The following SYTL5 variants were observed in gnomAD, a reference collection of about 807,000 sequenced individuals.
The protein encoded by SYTL5 is synaptotagmin-like protein 5.
A neutral mutation model predicts 55.9 loss-of-function variants in SYTL5; 34 were observed. The observed-to-expected ratio is 0.61, with a 90% CI of 0.46 to 0.81. The LOEUF (loss-of-function observed/expected upper bound fraction) is 0.81, where lower values mean the gene tolerates loss of function less well. Among genes scored for constraint, SYTL5 ranks in the 30% least tolerant of loss-of-function variants. The pLI, the probability that SYTL5 is intolerant of heterozygous loss-of-function variation, is 0.00. For missense variants in SYTL5, 637 were observed against 546.7 expected, an observed-to-expected ratio of 1.17 and a Z score of -1.65; for synonymous variants, 221 against 188.7, an observed-to-expected ratio of 1.17 and a Z score of -1.40.
rs1937684072 is a variant in SYTL5, at chrX:38,127,421, AAG to A, written c.*696_*697del. The A allele has an allele frequency of 8.9e-6, 1 of 112,272 alleles. No homozygotes were observed. Among genetic ancestry groups the A allele is most frequent in the Admixed American group, 9.4e-5 (1 of 10,613 alleles). The allele number at this position is 112,272 out of a possible 1,213,427, so 9.3% of individuals were successfully genotyped here. ...TGTAGGGTCACCCTACTGATGACCT[AAG>A]AGAGCTCTGTTTTAAACATTTATTT... On this transcript the variant is annotated 3_prime_UTR_variant, in exon 17 of 17. Transcript: ENST00000297875.
chrX:38,105,508 T>C (rs986032717), intron 10 of SYTL5, among the ~76,000 whole-genome samples: 11 of 112,239 alleles, frequency 9.8e-5, no homozygotes, highest in Non-Finnish European at 2.1e-4. Flanking sequence ...TTGCATTCTT[T>C]TGAGTTTCTG....
intron 1 of SYTL5, among the ~76,000 whole-genome samples, chrX:38,008,894 A>C (rs1934081484): frequency 8.9e-6 from 1 of 112,186 alleles, no homozygotes; most frequent in Admixed American, 9.4e-5. Flanking sequence ...CACTGAAGTT[A>C]CAGTAGGGAA....
the SYTL5 span, among the ~76,000 whole-genome samples, chrX:37,942,484 C>A: frequency 5.4e-5 from 6 of 111,476 alleles, no homozygotes; most frequent in East Asian, 1.7e-3. Flanking sequence ...TGGCACTTAT[C>A]CTTGCCCTCC....
intron 12 of SYTL5, 97 bp downstream of exon 12, chrX:38,108,796 G>T (rs1433935212): frequency 4.0e-6 from 2 of 505,446 alleles, no homozygotes; most frequent in African/African-American, 4.8e-5. Context: ...GTGTGTCAAG[G>T]CTTGTATATG....
the SYTL5 span, among the ~76,000 whole-genome samples, chrX:37,924,711 T>C: frequency 9.0e-6 from 1 of 111,445 alleles, no homozygotes; most frequent in South Asian, 3.8e-4. Context: ...ATTGTTTCTA[T>C]TAATTTTTGT....
chrX:37,951,358 A>G, the SYTL5 span, among the ~76,000 whole-genome samples: 4 of 111,725 alleles, frequency 3.6e-5, no homozygotes, highest in African/African-American at 1.3e-4. Context: ...TATCAAAAGC[A>G]TTTTAATAAA....
intron 2 of SYTL5, among the ~76,000 whole-genome samples, chrX:38,041,114 T>A (rs1438626598): frequency 9.0e-6 from 1 of 111,636 alleles, no homozygotes. Context: ...TTAATGTGAC[T>A]GATTTTGTCA....
chrX:37,925,654 T>TA, the SYTL5 span, among the ~76,000 whole-genome samples: 13 of 111,296 alleles, frequency 1.2e-4, no homozygotes, highest in African/African-American at 4.2e-4. Context: ...GGTATTTGGT[T>TA]ACATGAGTAG....
At chrX:37,977,314 C>T in the SYTL5 span, among the ~76,000 whole-genome samples, 1 of 109,325 alleles carries the variant, frequency 9.1e-6, no homozygotes, top group Non-Finnish European at 1.9e-5. Flanking sequence ...CTACTCAGTA[C>T]TAGGGATGGA....
At chrX:37,948,171 C>A in the SYTL5 span, among the ~76,000 whole-genome samples, 6 of 110,503 alleles carry the variant, frequency 5.4e-5, no homozygotes, top group Non-Finnish European at 9.5e-5. Flanking sequence ...TAATTCCTCC[C>A]AAGTTTATCC....
chrX:37,983,176 A>T, the SYTL5 span, among the ~76,000 whole-genome samples: 4 of 111,948 alleles, frequency 3.6e-5, no homozygotes, highest in Non-Finnish European at 7.6e-5. Context: ...GCAGAGGTAA[A>T]TCTAACTATA....
chrX:38,078,462 G>A (rs954055383), intron 6 of SYTL5, among the ~76,000 whole-genome samples: 49 of 109,905 alleles, frequency 4.5e-4, no homozygotes, highest in African/African-American at 1.5e-3. Context: ...GAGTTTCACC[G>A]TGTTAGCCAG....
At chrX:38,088,277 T>C (rs1413985103) in intron 6 of SYTL5, among the ~76,000 whole-genome samples, 1 of 112,064 alleles carries the variant, frequency 8.9e-6, no homozygotes, top group East Asian at 2.8e-4. Context: ...AATATTCCTT[T>C]ATTCTATTTA....
chrX:37,967,945 C>G, the SYTL5 span, among the ~76,000 whole-genome samples: 1 of 107,797 alleles, frequency 9.3e-6, no homozygotes, highest in South Asian at 4.1e-4. Context: ...AATTGAACCT[C>G]TCTAGTGAAT....
chrX:38,043,832 CA>C (rs1935379427), intron 2 of SYTL5, among the ~76,000 whole-genome samples: 1 of 107,070 alleles, frequency 9.3e-6, no homozygotes, highest in East Asian at 2.9e-4. Flanking sequence ...TATTTGTAAA[CA>C]TTTTTATTGG....
At chrX:37,935,880 A>G in the SYTL5 span, among the ~76,000 whole-genome samples, 1 of 112,577 alleles carries the variant, frequency 8.9e-6, no homozygotes, top group Non-Finnish European at 1.9e-5. Context: ...AAAATGGCAG[A>G]CACAAATCCT....
At chrX:37,982,794 A>G in the SYTL5 span, among the ~76,000 whole-genome samples, 1 of 111,630 alleles carries the variant, frequency 9.0e-6, no homozygotes, top group African/African-American at 3.2e-5. Context: ...CAAAAGCTAT[A>G]AGTATATGTT....
At chrX:38,035,800 C>G (rs750897166) in intron 2 of SYTL5, among the ~76,000 whole-genome samples, 122 of 109,146 alleles carry the variant, frequency 1.1e-3, no homozygotes, top group African/African-American at 3.9e-3. Context: ...GAGGCTGAGG[C>G]AGGAGAATCA....
Position 38,126,610 on chromosome X carries a change from G to A in SYTL5, c.2073G>A (p.Val691=). 1 of 1,211,259 alleles carries A rather than the reference G, an allele frequency of 8.3e-7. No homozygotes were observed. Among genetic ancestry groups the A allele is most frequent in the Admixed American group, 2.2e-5 (1 of 45,981 alleles). Residue 691 remains valine, a synonymous_variant, in exon 17 of 17, where the codon GTG becomes GTA. Coordinates refer to ENST00000297875, the MANE Select transcript of SYTL5 (RefSeq NM_138780.3). The stretch of plus-strand genomic sequence containing the variant: ...CAGGTGTGAGCCATGGGAAGAACGT[G>A]GATTGGATGGACTCTCAGGGGGAAG... The part of the protein sequence containing the change: ...SGSGVSHGKN[V]DWMDSQGEEQ...
Sources: gnomAD v4.1 joint callset for allele counts (sites outside exome capture counted in the v4.1 genomes callset) on GRCh38, gnomAD v4.1.1 for gene constraint, MANE v1.5 for transcripts, NCBI Gene and HGNC (gene_info 2026-07-23, HGNC 2026-07-21) for gene names.